The following KLHL1 variants were observed in gnomAD, a reference collection of about 807,000 sequenced individuals.
The protein encoded by KLHL1 is kelch like family member 1, also known as kelch-like protein 1.
In KLHL1, 47 loss-of-function variants were observed where a neutral mutation model predicts 77.7. The ratio of observed to expected loss-of-function variants is 0.60; its 90% CI spans 0.48 to 0.77. KLHL1 has a LOEUF of 0.77. Among genes scored for constraint, KLHL1 ranks in the 30% least tolerant of loss-of-function variants. KLHL1 has a pLI of 0.00. For missense variants in KLHL1, 925 were observed against 910.8 expected, an observed-to-expected ratio of 1.02 and a Z score of -0.20; for synonymous variants, 360 against 325.2, an observed-to-expected ratio of 1.11 and a Z score of -1.15.
At chr13:69,994,467 T>G (rs1227685350) in intron 1 of KLHL1, among the ~76,000 whole-genome samples, 1 of 152,130 alleles carries the variant, frequency 6.6e-6, no homozygotes, top group Non-Finnish European at 1.5e-5. Flanking sequence ...ATGCCTATTT[T>G]TCCTTAGGAC....
intron 1 of KLHL1, among the ~76,000 whole-genome samples, chr13:70,087,942 G>A (rs751975241): frequency 1.3e-5 from 2 of 152,206 alleles, no homozygotes; most frequent in South Asian, 2.1e-4. Flanking sequence ...GGAAGGGAGA[G>A]CATCATGATA....
At chr13:69,834,071 T>C (rs1372588260) in intron 6 of KLHL1, among the ~76,000 whole-genome samples, 1 of 151,820 alleles carries the variant, frequency 6.6e-6, no homozygotes, top group Non-Finnish European at 1.5e-5. Context: ...CAATGGACTT[T>C]GGGGACTTGA....
intron 5 of KLHL1, among the ~76,000 whole-genome samples, chr13:69,850,750 C>T (rs1219659215): frequency 1.3e-5 from 2 of 151,696 alleles, no homozygotes; most frequent in Non-Finnish European, 3.0e-5. Context: ...ATTCCATGTA[C>T]TACAACTGAA....
At chr13:69,887,386 G>A (rs183869857) in intron 4 of KLHL1, among the ~76,000 whole-genome samples, 122 of 152,146 alleles carry the variant, frequency 8.0e-4, no homozygotes, top group Non-Finnish European at 1.5e-3. Flanking sequence ...GTTCTCTATC[G>A]AGCAGCTTTT....
chr13:69,819,921 A>T (rs2138076167), intron 6 of KLHL1, among the ~76,000 whole-genome samples: 1 of 152,318 alleles, frequency 6.6e-6, no homozygotes, highest in South Asian at 2.1e-4. Context: ...TCTGTTATAA[A>T]TGCCTTTGTC....
intron 4 of KLHL1, among the ~76,000 whole-genome samples, chr13:69,913,952 A>G (rs1882329271): frequency 6.6e-6 from 1 of 152,324 alleles, no homozygotes; most frequent in Non-Finnish European, 1.5e-5. Flanking sequence ...CTGGGTGAGC[A>G]CAATCTAATC....
intron 1 of KLHL1, among the ~76,000 whole-genome samples, chr13:70,086,564 C>A (rs535186091): frequency 4.3e-5 from 4 of 93,720 alleles, no homozygotes; most frequent in African/African-American, 1.9e-4. Flanking sequence ...CAGAGGGAAG[C>A]TCTGTCTCAA....
At chr13:69,991,763 A>G (rs938519040) in intron 1 of KLHL1, among the ~76,000 whole-genome samples, 1 of 152,056 alleles carries the variant, frequency 6.6e-6, no homozygotes, top group African/African-American at 2.4e-5. Flanking sequence ...AGCTATTCCA[A>G]AAAATTGAGG....
chr13:69,815,122 A>G (rs1378321280), intron 6 of KLHL1, among the ~76,000 whole-genome samples: 1 of 152,248 alleles, frequency 6.6e-6, no homozygotes, highest in East Asian at 1.9e-4. Flanking sequence ...AAATAACTTT[A>G]GTCCTTACAG....
intron 3 of KLHL1, among the ~76,000 whole-genome samples, chr13:69,949,280 G>A (rs1381674014): frequency 6.7e-6 from 1 of 149,838 alleles, no homozygotes; most frequent in Non-Finnish European, 1.5e-5. Flanking sequence ...TACTCATTCT[G>A]TCTCTTTAGG....
At chr13:69,885,647 C>T (rs530559181) in intron 4 of KLHL1, among the ~76,000 whole-genome samples, 2 of 152,204 alleles carry the variant, frequency 1.3e-5, no homozygotes, top group Admixed American at 1.3e-4. Flanking sequence ...TCCTTATTGT[C>T]TATGAAGATC....
intron 7 of KLHL1, among the ~76,000 whole-genome samples, chr13:69,782,744 G>A (rs1384060256): frequency 6.6e-6 from 1 of 152,188 alleles, no homozygotes; most frequent in Non-Finnish European, 1.5e-5. Context: ...GCAGGGCACA[G>A]ACAAACAAAA....
intron 2 of KLHL1, among the ~76,000 whole-genome samples, chr13:69,967,173 A>G (rs1593633287): frequency 6.6e-6 from 1 of 152,236 alleles, no homozygotes; most frequent in Non-Finnish European, 1.5e-5. Context: ...AGTTCTTTGA[A>G]AAATAAGTCT....
At chr13:69,712,659 A>T (rs951807857) in intron 9 of KLHL1, among the ~76,000 whole-genome samples, 1 of 151,976 alleles carries the variant, frequency 6.6e-6, no homozygotes, top group African/African-American at 2.4e-5. Context: ...TTTAAATTTT[A>T]GGATCATATT....
At chr13:69,755,388 G>A (rs1315047781) in intron 7 of KLHL1, among the ~76,000 whole-genome samples, 1 of 151,952 alleles carries the variant, frequency 6.6e-6, no homozygotes, top group Non-Finnish European at 1.5e-5. Context: ...GCAGAACCAT[G>A]AGCCAATTAA....
chr13:69,860,829 T>A (rs1880125269), intron 5 of KLHL1, among the ~76,000 whole-genome samples: 1 of 151,696 alleles, frequency 6.6e-6, no homozygotes, highest in African/African-American at 2.4e-5. Context: ...CTAATTATAA[T>A]TAGATATCTT....
At chr13:69,980,666 CG>C in intron 1 of KLHL1, among the ~76,000 whole-genome samples, 1 of 151,838 alleles carries the variant, frequency 6.6e-6, no homozygotes, top group Non-Finnish European at 1.5e-5. Context: ...TTTTTTTCAG[CG>C]AATTGTTTTT....
intron 4 of KLHL1, among the ~76,000 whole-genome samples, chr13:69,909,935 C>T (rs928374965): frequency 2.0e-5 from 3 of 152,032 alleles, no homozygotes; most frequent in Admixed American, 1.3e-4. Context: ...CCTCTCACAG[C>T]GTCAAGGATC....
intron 7 of KLHL1, among the ~76,000 whole-genome samples, chr13:69,760,731 A>T (rs1046677379): frequency 3.3e-5 from 5 of 152,160 alleles, no homozygotes; most frequent in African/African-American, 1.2e-4. Context: ...TTCAGGAGGC[A>T]ATACAAATAC....
Sources: gnomAD v4.1 joint callset for allele counts (sites outside exome capture counted in the v4.1 genomes callset) on GRCh38, gnomAD v4.1.1 for gene constraint, MANE v1.5 for transcripts, NCBI Gene and HGNC (gene_info 2026-07-23, HGNC 2026-07-21) for gene names.